Variants in TDRD3 observed in about 807,000 individuals in gnomAD.
TDRD3 encodes the protein tudor domain-containing protein 3.
In TDRD3, 45 loss-of-function variants were observed where a neutral mutation model predicts 86.7. The observed-to-expected ratio is 0.52, with a 90% CI of 0.41 to 0.67. The LOEUF (loss-of-function observed/expected upper bound fraction) is 0.67, where lower values mean the gene tolerates loss of function less well. Ranked by LOEUF, TDRD3 falls within the 30% of genes least tolerant of loss-of-function variation. The pLI is 0.00. For missense variants in TDRD3, 814 were observed against 889.0 expected, an observed-to-expected ratio of 0.92 and a Z score of 1.07; for synonymous variants, 298 against 301.7, an observed-to-expected ratio of 0.99 and a Z score of 0.13.
At chr13:60,400,484 G>A (rs955279475) in intron 1 of TDRD3, among the ~76,000 whole-genome samples, 3 of 152,156 alleles carry the variant, frequency 2.0e-5, no homozygotes, top group Non-Finnish European at 4.4e-5. Flanking sequence ...GGTGGCTCAT[G>A]CCTGTAATCC....
chr13:60,413,746 A>G (rs1377777041), intron 1 of TDRD3, among the ~76,000 whole-genome samples: 4 of 152,136 alleles, frequency 2.6e-5, no homozygotes, highest in Non-Finnish European at 4.4e-5. Flanking sequence ...ATTACCTTAT[A>G]TAGCCTGTGA....
At chr13:60,482,652 T>G (rs796347111) in intron 5 of TDRD3, among the ~76,000 whole-genome samples, 5 of 152,272 alleles carry the variant, frequency 3.3e-5, no homozygotes, top group African/African-American at 1.2e-4. Context: ...TTGTGAAAAA[T>G]TAGATTAATA....
chr13:60,441,282 G>A (rs539173928), intron 2 of TDRD3, among the ~76,000 whole-genome samples: 3 of 150,836 alleles, frequency 2.0e-5, no homozygotes, highest in African/African-American at 4.9e-5. Context: ...ATTTGCTGGG[G>A]TTTTTTTTTA....
intron 1 of TDRD3, among the ~76,000 whole-genome samples, chr13:60,416,569 T>A (rs972613674): frequency 3.9e-5 from 6 of 152,254 alleles, no homozygotes; most frequent in Non-Finnish European, 8.8e-5. Context: ...TTGTAATGTT[T>A]AGCACATGTA....
intron 13 of TDRD3, among the ~76,000 whole-genome samples, chr13:60,569,961 C>T (rs116838197): frequency 2.0e-5 from 3 of 152,110 alleles, no homozygotes; most frequent in Non-Finnish European, 2.9e-5. Context: ...CTATGACACT[C>T]GTAGATGACA....
chr13:60,567,452 A>G lies in TDRD3; in HGVS notation c.2119-73A>G, dbSNP rs1958486220. 2.5e-6 allele frequency: 4 copies of G among 1,593,432 alleles called. No homozygotes were observed. The South Asian group carries it at 4.4e-5, about 18-fold the overall frequency. ...TAAGAGAGATATTATTAAAATAGGG[A>G]CCATACAATTTTTTTTACTTAAGAA... On this transcript the variant is annotated intron_variant, in intron 12 of 13. Transcript: ENST00000377881.
At chr13:60,517,828 A>G (rs1595057885) in intron 10 of TDRD3, among the ~76,000 whole-genome samples, 2 of 152,358 alleles carry the variant, frequency 1.3e-5, no homozygotes, top group South Asian at 4.1e-4. Flanking sequence ...ACAAAAAAGT[A>G]CAGATTCAGT....
intron 12 of TDRD3, chr13:60,537,217 C>A (rs1426337110): frequency 1.3e-5 from 2 of 151,908 alleles, no homozygotes; most frequent in Non-Finnish European, 2.9e-5. Flanking sequence ...TGGTTGTTGA[C>A]GTTTTATGAA....
chr13:60,494,163 C>G (rs1956663166), intron 7 of TDRD3, among the ~76,000 whole-genome samples: 1 of 152,126 alleles, frequency 6.6e-6, no homozygotes, highest in African/African-American at 2.4e-5. Flanking sequence ...GTAGTATTTT[C>G]TTCTCTATAG....
rs548256188 is a variant in TDRD3 at position 60,469,551 on chromosome 13, G to A, written c.495+2172G>A. Among the ~76,000 whole-genome samples, 4 of 151,968 alleles carry A rather than the reference G, an allele frequency of 2.6e-5. 1 individual carries two copies. The South Asian group carries it at 8.3e-4, about 32-fold the overall frequency. On this transcript the variant is annotated intron_variant, in intron 5 of 13. Coordinates refer to ENST00000377881, the MANE Select transcript of TDRD3 (RefSeq NM_001146070.2). ...AAGCCACATTAGTATTTCTTGTTAG[G>A]GAGTGATAAAAATTTACATTTAAAA...
chr13:60,459,677 A>G (rs1448811696), intron 3 of TDRD3, among the ~76,000 whole-genome samples: 6 of 152,180 alleles, frequency 3.9e-5, no homozygotes, highest in South Asian at 2.1e-4. Context: ...CTGCAGTGCA[A>G]TGGCTTGATC....
At chr13:60,515,347 C>T (rs190682476) in intron 10 of TDRD3, among the ~76,000 whole-genome samples, 1 of 152,152 alleles carries the variant, frequency 6.6e-6, no homozygotes, top group Non-Finnish European at 1.5e-5. Context: ...TTTACCTTAC[C>T]AGGACCTGAT....
chr13:60,457,612 T>C (rs951825713), intron 3 of TDRD3, among the ~76,000 whole-genome samples: 4 of 152,246 alleles, frequency 2.6e-5, no homozygotes, highest in African/African-American at 4.8e-5. Context: ...ATAGTAGTTA[T>C]CTGAGGCTGC....
chr13:60,499,152 T>C (rs761109561), intron 8 of TDRD3, among the ~76,000 whole-genome samples: 1 of 152,196 alleles, frequency 6.6e-6, no homozygotes, highest in Non-Finnish European at 1.5e-5. Flanking sequence ...CTGGAGGGAT[T>C]GCAGAGATTA....
chr13:60,481,204 T>A (rs1398694455), intron 5 of TDRD3, among the ~76,000 whole-genome samples: 1 of 152,198 alleles, frequency 6.6e-6, no homozygotes, highest in Non-Finnish European at 1.5e-5. Context: ...TTAATTATGA[T>A]GTACCTAACA....
In TDRD3 at chr13:60,474,895, T is replaced by TC. The variant is rs397742402; in HGVS notation, c.495+7517dup. On this transcript the variant is annotated intron_variant, in intron 5 of 13. Coordinates refer to ENST00000377881, the MANE Select transcript of TDRD3 (RefSeq NM_001146070.2). ...TTGGTTTGTCAGAATGTTTTTTTTT[T>TC]CTTTACTTTTTAAGGATATTTTCTC... Among the ~76,000 whole-genome samples, 66 of 152,072 alleles carry TC rather than the reference T, an allele frequency of 4.3e-4. No homozygotes were observed. The East Asian group carries it at 9.5e-3, about 22-fold the overall frequency.
rs1566237540 is a variant in TDRD3 at position 60,490,059 on chromosome 13, T to TG, written c.717+4111_717+4112insG. 2.7e-5 allele frequency among the ~76,000 whole-genome samples: 4 copies of TG among 149,662 alleles called. No individual in the cohort carries two copies. In the South Asian group the frequency reaches 8.5e-4, roughly 32 times the overall value. On this transcript the variant is annotated intron_variant, in intron 7 of 13. Coordinates refer to ENST00000377881, the MANE Select transcript of TDRD3 (RefSeq NM_001146070.2). Reference sequence around the variant, plus strand: ...TAATTAAAGCATCTTAGTTTTTTTTTTTTTTTTTTTTTTACAGCAGACATC... The same window carrying TG: ...TAATTAAAGCATCTTAGTTTTTTTTTGTTTTTTTTTTTTTACAGCAGACATC...
intron 1 of TDRD3, among the ~76,000 whole-genome samples, chr13:60,431,659 T>A (rs565862641): frequency 7.9e-6 from 1 of 127,196 alleles, no homozygotes; most frequent in South Asian, 2.6e-4. Flanking sequence ...TTTTGCATAT[T>A]AATCCTTTCA....
chr13:60,456,147 A>G (rs74651933), intron 3 of TDRD3, among the ~76,000 whole-genome samples: 1 of 151,564 alleles, frequency 6.6e-6, no homozygotes, highest in Non-Finnish European at 1.5e-5. Context: ...TAGAGTTAAG[A>G]AAAAAAAATT....
Sources: gnomAD v4.1 joint callset for allele counts (sites outside exome capture counted in the v4.1 genomes callset) on GRCh38, gnomAD v4.1.1 for gene constraint, MANE v1.5 for transcripts, NCBI Gene and HGNC (gene_info 2026-07-23, HGNC 2026-07-21) for gene names.